The following PDSS1 variants were observed in gnomAD, a reference collection of about 807,000 sequenced individuals.
The protein encoded by PDSS1 is all trans-polyprenyl-diphosphate synthase PDSS1.
In PDSS1, 43 loss-of-function variants were observed where a neutral mutation model predicts 57.5. That is an observed-to-expected ratio of 0.75 (90% CI 0.59 to 0.96). The LOEUF (loss-of-function observed/expected upper bound fraction) is 0.96. PDSS1 is among the 50% of genes least tolerant of loss of function. The probability of loss-of-function intolerance (pLI) is 0.00; values close to 1 mark genes in which losing one functional copy is unlikely to be tolerated. For synonymous variants in PDSS1, 175 were observed against 191.3 expected, an observed-to-expected ratio of 0.91 and a Z score of 0.70; for missense variants, 438 against 527.8, an observed-to-expected ratio of 0.83 and a Z score of 1.67.
intron 3 of PDSS1, 147 bp from the exon 4 acceptor site, chr10:26,705,139 T>G (rs1187901956): frequency 1.5e-6 from 1 of 661,380 alleles, no homozygotes; most frequent in Non-Finnish European, 2.8e-6. Flanking sequence ...ATTCTGTATG[T>G]TTTTCCAAAT....
At chr10:26,709,791 T>C in intron 5 of PDSS1, 23 bp downstream of exon 5, 2 of 1,612,166 alleles carry the variant, frequency 1.2e-6, no homozygotes, top group South Asian at 2.2e-5. Context: ...TTTCATTCCT[T>C]TCTTGTTTTT....
intron 11 of PDSS1, among the ~76,000 whole-genome samples, chr10:26,745,226 G>T (rs1836796423): frequency 6.6e-6 from 1 of 152,094 alleles, no homozygotes; most frequent in South Asian, 2.1e-4. Flanking sequence ...GAAGGAAATA[G>T]AATTATAGTA....
At chr10:26,728,009 C>T (rs1256258611) in intron 8 of PDSS1, among the ~76,000 whole-genome samples, 2 of 152,162 alleles carry the variant, frequency 1.3e-5, no homozygotes, top group African/African-American at 2.4e-5. Context: ...CCAGGAGGCG[C>T]GTGCTGTCTT....
intron 5 of PDSS1, 195 bp from the exon 6 acceptor site, chr10:26,720,023 A>G: frequency 1.4e-6 from 1 of 691,924 alleles, no homozygotes; most frequent in Non-Finnish European, 2.4e-6. Context: ...AATTCATAAA[A>G]TGTAGTTGTG....
intron 1 of PDSS1, among the ~76,000 whole-genome samples, chr10:26,698,848 G>A (rs1834958728): frequency 6.6e-6 from 1 of 152,230 alleles, no homozygotes; most frequent in Non-Finnish European, 1.5e-5. Context: ...CTTGGGCCAG[G>A]CACAGTGGCT....
At position 26,746,345 on chromosome 10, in the gene PDSS1, CAACA is replaced by C. The variant is rs1564441686; in HGVS notation, c.1126_1129del (p.Thr376ProfsTer12). ...CTGTATCTTATAGAGTGATGGTGTGCAACAAACAACCTACCTCGCCCAGCAGTAC... is the reference window on the plus strand; with the variant it reads ...CTGTATCTTATAGAGTGATGGTGTGCAACAACCTACCTCGCCCAGCAGTAC... On this transcript the variant is annotated frameshift_variant, in exon 12 of 12. Coordinates refer to ENST00000376215, the MANE Select transcript of PDSS1 (RefSeq NM_014317.5). LOFTEE classifies it high-confidence loss of function. 3.7e-6 allele frequency: 6 copies of C among 1,613,878 alleles called. No homozygotes were observed. The highest frequency in any genetic ancestry group is 1.3e-5 in the African/African-American group (1 of 74,902).
At chr10:26,710,120 C>T (rs9418586) in intron 5 of PDSS1, among the ~76,000 whole-genome samples, 3,262 of 39,484 alleles carry the variant, frequency 0.083, 68 homozygotes, top group Middle Eastern at 0.12. Context: ...CGCCATTGCA[C>T]TCCAGCCTGG....
intron 4 of PDSS1, among the ~76,000 whole-genome samples, chr10:26,708,220 A>T (rs1835306043): frequency 6.6e-6 from 1 of 152,168 alleles, no homozygotes; most frequent in African/African-American, 2.4e-5. Flanking sequence ...TGAATGAACG[A>T]TGGGCCCACT....
At chr10:26,730,956 C>G (rs1836169253) in intron 8 of PDSS1, among the ~76,000 whole-genome samples, 1 of 152,188 alleles carries the variant, frequency 6.6e-6, no homozygotes, top group South Asian at 2.1e-4. Flanking sequence ...GGCTTGTAAT[C>G]CCAGCACTTT....
intron 1 of PDSS1, among the ~76,000 whole-genome samples, chr10:26,700,728 A>G (rs1835026206): frequency 6.6e-6 from 1 of 152,130 alleles, no homozygotes; most frequent in Non-Finnish European, 1.5e-5. Flanking sequence ...CTCCCCAGCC[A>G]TTCAGAACTG....
At chr10:26,730,531 C>A (rs938428579) in intron 8 of PDSS1, among the ~76,000 whole-genome samples, 5 of 151,736 alleles carry the variant, frequency 3.3e-5, no homozygotes, top group African/African-American at 1.2e-4. Flanking sequence ...ATCACCTGAG[C>A]CCTGGGAGGT....
intron 1 of PDSS1, among the ~76,000 whole-genome samples, chr10:26,698,326 A>G (rs1249754554): frequency 6.6e-6 from 1 of 151,776 alleles, no homozygotes; most frequent in Admixed American, 6.6e-5. Context: ...TCTTGTGGAG[A>G]ATGCAGGGCT....
intron 10 of PDSS1, among the ~76,000 whole-genome samples, chr10:26,739,418 C>G (rs901582511): frequency 6.6e-6 from 1 of 152,024 alleles, no homozygotes; most frequent in African/African-American, 2.4e-5. Context: ...GGGGAGTGCC[C>G]GGGGAAGAGT....
rs574624767 is a variant in PDSS1 at position 26,746,440 on chromosome 10, G to A, written c.1215G>A (p.Gln405=). The A allele has an allele frequency of 2.5e-6, 4 of 1,614,098 alleles. No individual in the cohort carries two copies. The Admixed American group carries it at 6.7e-5, about 27-fold the overall frequency. ...CCCCAGAAAGAGATGCCCTCATTCA[G>A]CTTTCAGAAATTGTACTCACAAGAG... ...RPSPERDALI[Q]LSEIVLTRDK is the part of the protein sequence containing the mutation. Residue 405 remains glutamine (Q), a synonymous_variant, in exon 12 of 12, where the codon CAG becomes CAA. Transcript: ENST00000376215.
intron 5 of PDSS1, among the ~76,000 whole-genome samples, chr10:26,716,703 G>T (rs138447131): frequency 0.021 from 3,120 of 151,608 alleles, 106 homozygotes; most frequent in African/African-American, 0.071. Flanking sequence ...AAAAAAAAAA[G>T]ATAATTTTTT....
intron 8 of PDSS1, among the ~76,000 whole-genome samples, chr10:26,727,735 T>C (rs570287720): frequency 2.0e-5 from 3 of 152,216 alleles, no homozygotes; most frequent in African/African-American, 7.2e-5. Flanking sequence ...TGTGAACTGT[T>C]ATAACGAAAG....
chr10:26,704,748 T>G lies in PDSS1; in HGVS notation c.227+7T>G. 7.3e-7 allele frequency: 1 copy of G among 1,373,048 alleles called. No homozygotes were observed. The highest frequency in any genetic ancestry group is 1.0e-6 in the Non-Finnish European group (1 of 960,872). The allele number at this position is 1,373,048 out of a possible 1,614,324, so 85.1% of individuals were successfully genotyped here. ...ATGTATGTCGTATATCACGGTAAGTTTACAGTCCATACTGCAACTACTAAA... is the reference window on the plus strand; with the variant it reads ...ATGTATGTCGTATATCACGGTAAGTGTACAGTCCATACTGCAACTACTAAA... On this transcript the variant is annotated splice_region_variant and intron_variant, in intron 3 of 11. Coordinates refer to ENST00000376215, the MANE Select transcript of PDSS1 (RefSeq NM_014317.5).
chr10:26,741,392 A>G (rs1836600420), intron 10 of PDSS1, among the ~76,000 whole-genome samples: 1 of 152,052 alleles, frequency 6.6e-6, no homozygotes, highest in Non-Finnish European at 1.5e-5. Context: ...GCTGAGGCAG[A>G]GAATTGCTTG....
chr10:26,743,586 C>T (rs926955697), intron 11 of PDSS1, among the ~76,000 whole-genome samples: 1 of 152,026 alleles, frequency 6.6e-6, no homozygotes, highest in African/African-American at 2.4e-5. Flanking sequence ...GTCAATATTC[C>T]CTGGGAGAGG....
Sources: gnomAD v4.1 joint callset for allele counts (sites outside exome capture counted in the v4.1 genomes callset) on GRCh38, gnomAD v4.1.1 for gene constraint, MANE v1.5 for transcripts, NCBI Gene and HGNC (gene_info 2026-07-23, HGNC 2026-07-21) for gene names.